ACTR3C: variants seen among roughly 807,000 people sequenced by gnomAD.
ACTR3C encodes actin related protein 3C.
Under a neutral mutation model 26.3 loss-of-function variants are expected in ACTR3C, and 18 were observed. That is an observed-to-expected ratio of 0.68 (90% CI 0.47 to 1.01). The LOEUF (loss-of-function observed/expected upper bound fraction) is 1.01, where lower values mean the gene tolerates loss of function less well. ACTR3C is among the 50% of genes least tolerant of loss of function. The pLI, the probability that ACTR3C is intolerant of heterozygous loss-of-function variation, is 0.00. For synonymous variants in ACTR3C, 55 were observed against 94.5 expected (o/e 0.58, Z 2.42); for missense variants, 184 against 250.7 (o/e 0.73, Z 1.80).
the ACTR3C span, among the ~76,000 whole-genome samples, chr7:150,170,817 G>C: frequency 1.4e-5 from 2 of 147,398 alleles, no homozygotes; most frequent in African/African-American, 5.3e-5. Flanking sequence ...GGTCATAAAA[G>C]AGCCAGAGGA....
At chr7:149,986,024 C>G in the ACTR3C span, among the ~76,000 whole-genome samples, 2 of 151,924 alleles carry the variant, frequency 1.3e-5, no homozygotes, top group African/African-American at 4.8e-5. Context: ...TCTCTTCTAT[C>G]CAGACACTGA....
chr7:150,197,918 T>G, the ACTR3C span, among the ~76,000 whole-genome samples: 2 of 147,274 alleles, frequency 1.4e-5, no homozygotes, highest in South Asian at 2.2e-4. Context: ...GAAGCTGGAC[T>G]GTACTGCTGC....
the ACTR3C span, among the ~76,000 whole-genome samples, chr7:149,888,019 GGT>G: frequency 1.3e-5 from 2 of 152,090 alleles, no homozygotes; most frequent in Non-Finnish European, 2.9e-5. Flanking sequence ...CCCAGTTTCA[GGT>G]GTGTCTTTAT....
chr7:150,172,732 A>T, the ACTR3C span, among the ~76,000 whole-genome samples: 1 of 150,636 alleles, frequency 6.6e-6, no homozygotes, highest in African/African-American at 2.5e-5. Context: ...ATAAAATCAA[A>T]AGTAAGCTAG....
chr7:150,103,190 T>C, the ACTR3C span, among the ~76,000 whole-genome samples: 4 of 151,954 alleles, frequency 2.6e-5, no homozygotes, highest in African/African-American at 9.7e-5. Flanking sequence ...ACCAGGTGAA[T>C]GCCTGGCTTA....
Position 150,272,650 on chromosome 7 carries a change from T to C in ACTR3C, c.564+12103A>G, listed in dbSNP as rs2373765. ...AATAATTCTGTACCTCAGAAATATA[T>C]ACATTTAGCCTAATAGTGTCTTTTT... On this transcript the variant is annotated intron_variant, in intron 6 of 7. Transcript: ENST00000683684. 2.5e-4 allele frequency among the ~76,000 whole-genome samples: 34 copies of C among 137,712 alleles called. 5 individuals carry two copies. The East Asian group carries it at 7.0e-3, about 28-fold the overall frequency. The allele number at this position is 137,712 out of a possible 152,430, so 90.3% of individuals were successfully genotyped here. A position where few individuals can be genotyped will look rare whatever the true frequency, so the allele number is the denominator to read the frequency against.
chr7:149,980,499 A>C, the ACTR3C span, among the ~76,000 whole-genome samples: 1 of 152,258 alleles, frequency 6.6e-6, no homozygotes, highest in Non-Finnish European at 1.5e-5. Flanking sequence ...TCTAAAGATC[A>C]ATGAAAAATA....
the ACTR3C span, among the ~76,000 whole-genome samples, chr7:150,134,212 A>T: frequency 0.16 from 23,214 of 143,812 alleles, 1,921 homozygotes; most frequent in East Asian, 0.45. Flanking sequence ...ATAATTTTTT[A>T]AAAAAAAGGC....
At chr7:150,259,351 A>C (rs1318892765) in intron 6 of ACTR3C, among the ~76,000 whole-genome samples, 1 of 152,086 alleles carries the variant, frequency 6.6e-6, no homozygotes, top group Non-Finnish European at 1.5e-5. Context: ...AAGACAGAGA[A>C]AGAAAGAAAG....
chr7:150,171,598 A>G, the ACTR3C span, among the ~76,000 whole-genome samples: 1 of 150,664 alleles, frequency 6.6e-6, no homozygotes. Flanking sequence ...GCAAATTAAG[A>G]TCAAAGGAAG....
the ACTR3C span, among the ~76,000 whole-genome samples, chr7:150,197,946 A>G: frequency 1.3e-5 from 2 of 149,012 alleles, no homozygotes; most frequent in African/African-American, 2.5e-5. Flanking sequence ...GCTCACTGCA[A>G]CCTCCCTGCC....
At chr7:150,227,688 G>GTGTTTTTTTTTTTTTTTT in the ACTR3C span, among the ~76,000 whole-genome samples, 6 of 111,388 alleles carry the variant, frequency 5.4e-5, 1 homozygote, top group Admixed American at 8.7e-5. Flanking sequence ...TTGTGTCTGG[G>GTGTTTTTTTTTTTTTTTT]TTTTTTTTTT....
Position 150,295,481 on chromosome 7 carries a change from C to A in ACTR3C, c.-51-134G>T, listed in dbSNP as rs145343690. The A allele has an allele frequency of 7.7e-4, 806 of 1,043,006 alleles. 1 individual carries two copies. The Middle Eastern group carries it at 0.014, about 19-fold the overall frequency. The allele number at this position is 1,043,006 out of a possible 1,614,324, so 64.6% of individuals were successfully genotyped here. On this transcript the variant is annotated intron_variant, in intron 1 of 7. Coordinates refer to ENST00000683684, the MANE Select transcript of ACTR3C (RefSeq NM_001164458.2). The stretch of plus-strand genomic sequence containing the variant: ...TCCCTAATTTTACAGACAGAGGATG[C>A]CCAAAGTGTATTAAAGAAATCTGGC...
At chr7:149,970,457 T>A in the ACTR3C span, among the ~76,000 whole-genome samples, 1 of 152,104 alleles carries the variant, frequency 6.6e-6, no homozygotes, top group South Asian at 2.1e-4. Flanking sequence ...CACCAAATTG[T>A]TCCTAGCAAA....
chr7:150,242,195 G>A (rs531808427), downstream of ACTR3C, among the ~76,000 whole-genome samples: 43 of 149,270 alleles, frequency 2.9e-4, no homozygotes, highest in Admixed American at 2.6e-3. Context: ...CAGCCTGGGC[G>A]ACACAGTGAG....
the ACTR3C span, among the ~76,000 whole-genome samples, chr7:150,098,190 CG>C: frequency 6.6e-6 from 1 of 151,624 alleles, no homozygotes; most frequent in Non-Finnish European, 1.5e-5. Flanking sequence ...CGACTGACCC[CG>C]TACAATAATG....
the ACTR3C span, among the ~76,000 whole-genome samples, chr7:149,950,060 C>A: frequency 5.8e-4 from 87 of 149,500 alleles, no homozygotes; most frequent in South Asian, 0.018. Flanking sequence ...GCCTGGCAGC[C>A]GCGTGGCTTG....
At chr7:150,304,843 AG>A (rs1795684608) in intron 1 of ACTR3C, among the ~76,000 whole-genome samples, 1 of 151,912 alleles carries the variant, frequency 6.6e-6, no homozygotes. Context: ...AGCATACAAA[AG>A]CTAGTGAGGG....
the ACTR3C span, among the ~76,000 whole-genome samples, chr7:150,125,950 T>C: frequency 3.3e-4 from 50 of 152,310 alleles, no homozygotes; most frequent in Middle Eastern, 3.4e-3. Flanking sequence ...GGCTCGGTTC[T>C]GGTTTGCTGC....
Sources: allele counts gnomAD v4.1 joint callset (sites outside exome capture counted in the v4.1 genomes callset), GRCh38; gene constraint gnomAD v4.1.1; transcripts MANE v1.5; gene names NCBI Gene and HGNC (gene_info 2026-07-23, HGNC 2026-07-21).